CENPP: variants seen among roughly 807,000 people sequenced by gnomAD.
CENPP encodes the protein centromere protein P.
In CENPP, 24 loss-of-function variants were observed where a neutral mutation model predicts 35.6. That is an observed-to-expected ratio of 0.67 (90% CI 0.49 to 0.95). CENPP has a LOEUF of 0.95. Ranked by LOEUF, CENPP falls within the 40% of genes least tolerant of loss-of-function variation. The pLI is 0.00. For missense variants in CENPP, 332 were observed against 345.3 expected (o/e 0.96, Z 0.31); for synonymous variants, 120 against 125.5 (o/e 0.96, Z 0.29).
chr9:92,332,123 A>G (rs772176355), intron 1 of CENPP, 47 bp from the exon 2 acceptor site: 1 of 1,320,630 alleles, frequency 7.6e-7, no homozygotes, highest in Admixed American at 2.2e-5. Context: ...ATTAGATGAA[A>G]CACGTGTTAG....
chr9:92,385,842 T>A, intron 5 of CENPP: 2 of 1,579,422 alleles, frequency 1.3e-6, no homozygotes, highest in Non-Finnish European at 1.7e-6. Context: ...CAACCTTTCA[T>A]ATGCTATATA....
chr9:92,576,650 ATAAT>A (rs1187345983), intron 5 of CENPP, among the ~76,000 whole-genome samples: 1 of 152,162 alleles, frequency 6.6e-6, no homozygotes, highest in Non-Finnish European at 1.5e-5. Context: ...GATTTAAATA[ATAAT>A]TGTTATATAT....
intron 5 of CENPP, among the ~76,000 whole-genome samples, chr9:92,602,808 T>A (rs1850959046): frequency 1.4e-5 from 2 of 143,378 alleles, no homozygotes; most frequent in Admixed American, 1.4e-4. Context: ...ACTGTTTCTG[T>A]AAATTCAAAA....
In CENPP at chr9:92,387,053, G is replaced by GAA. The variant is rs903436031; in HGVS notation, c.564+7215_564+7216dup. On this transcript the variant is annotated intron_variant, in intron 5 of 7. Coordinates refer to ENST00000375587, the MANE Select transcript of CENPP (RefSeq NM_001012267.3). ...ACAGAGCGAGACTCTGTCTCAAAAA[G>GAA]AAAAAAAAAAAAAAAAAAAAAAGAA... Among the ~76,000 whole-genome samples the GAA allele has an allele frequency of 1.3e-3, 64 of 50,150 alleles. 1 individual carries two copies. The highest frequency in any genetic ancestry group is 2.6e-3 in the African/African-American group (33 of 12,568). The allele number at this position is 50,150 out of a possible 152,430, so 32.9% of individuals were successfully genotyped here.
chr9:92,467,583 C>G (rs1488632691), intron 5 of CENPP, among the ~76,000 whole-genome samples: 1 of 152,172 alleles, frequency 6.6e-6, no homozygotes, highest in Non-Finnish European at 1.5e-5. Context: ...TAGATTCATT[C>G]ATTTTATGAT....
At position 92,403,617 on chromosome 9, in the gene CENPP, G is replaced by A. The variant is rs1843208843; in HGVS notation, c.564+23758G>A. 3 of 1,208,578 alleles carry A rather than the reference G, an allele frequency of 2.5e-6. No homozygotes were observed. In the African/African-American group the frequency reaches 4.7e-5, roughly 19 times the overall value. 74.9% of individuals were successfully genotyped at this position (1,208,578 alleles called of 1,614,324 possible). A position where few individuals can be genotyped will look rare whatever the true frequency, so the allele number is the denominator to read the frequency against. On this transcript the variant is annotated intron_variant, in intron 5 of 7. Transcript: ENST00000375587. Reference sequence around the variant, plus strand: ...TTAATTAGATGCTAGCAGTTTTTATGTATCAGTGAACATTCTGAAAAATAG... The same window carrying A: ...TTAATTAGATGCTAGCAGTTTTTATATATCAGTGAACATTCTGAAAAATAG...
intron 5 of CENPP, among the ~76,000 whole-genome samples, chr9:92,599,789 G>C (rs565514215): frequency 6.6e-6 from 1 of 152,168 alleles, no homozygotes; most frequent in Non-Finnish European, 1.5e-5. Context: ...ACTATTAAAA[G>C]TATGGTGTAG....
rs71362395 is a variant in CENPP, at chr9:92,525,893, C to CAAAAAAAAA, written c.565-85407_565-85399dup. Among the ~76,000 whole-genome samples, 5 of 43,906 alleles carry CAAAAAAAAA rather than the reference C, an allele frequency of 1.1e-4. 1 individual carries two copies. Among genetic ancestry groups the CAAAAAAAAA allele is most frequent in the Non-Finnish European group, 1.9e-4 (4 of 20,862 alleles). 28.8% of individuals were successfully genotyped at this position (43,906 alleles called of 152,430 possible). ...CCAGAGTGCAGAGAGACTCTATCTCCAAAAAAAAAAAAAAAAAAAAAAGCA... is the reference window on the plus strand; with the variant it reads ...CCAGAGTGCAGAGAGACTCTATCTCCAAAAAAAAAAAAAAAAAAAAAAAAAAAAAAAGCA... On this transcript the variant is annotated intron_variant, in intron 5 of 7. Coordinates refer to ENST00000375587, the MANE Select transcript of CENPP (RefSeq NM_001012267.3).
chr9:92,459,878 A>G lies in CENPP; in HGVS notation c.564+80019A>G, dbSNP rs1193021856. 121 of 880,372 alleles carry G rather than the reference A, an allele frequency of 1.4e-4. 2 individuals carry two copies. The highest frequency in any genetic ancestry group is 8.0e-4 in the South Asian group (36 of 45,162). The allele number at this position is 880,372 out of a possible 1,614,324, so 54.5% of individuals were successfully genotyped here. On this transcript the variant is annotated intron_variant, in intron 5 of 7. Coordinates refer to ENST00000375587, the MANE Select transcript of CENPP (RefSeq NM_001012267.3). ...GAATATAAGCCTGTCCTATTTATAT[A>G]TATGTTCAAAGATATTTCATTACTT... is the stretch of plus-strand genomic sequence containing the variant.
At chr9:92,436,124 T>A (rs577200697) in intron 5 of CENPP, among the ~76,000 whole-genome samples, 1 of 152,342 alleles carries the variant, frequency 6.6e-6, no homozygotes, top group African/African-American at 2.4e-5. Context: ...AGTGATATAT[T>A]ACTGTAGTTT....
chr9:92,394,183 C>T (rs1196063358), intron 5 of CENPP, among the ~76,000 whole-genome samples: 1 of 151,522 alleles, frequency 6.6e-6, no homozygotes, highest in African/African-American at 2.4e-5. Flanking sequence ...TTGGCACTCT[C>T]TTCTTATTTT....
At chr9:92,586,114 C>G (rs930950349) in intron 5 of CENPP, among the ~76,000 whole-genome samples, 1 of 152,150 alleles carries the variant, frequency 6.6e-6, no homozygotes, top group Non-Finnish European at 1.5e-5. Flanking sequence ...GGCGCAATCT[C>G]GGCTCACTGC....
chr9:92,569,613 G>A (rs1280903844), intron 5 of CENPP, among the ~76,000 whole-genome samples: 1 of 152,150 alleles, frequency 6.6e-6, no homozygotes, highest in Non-Finnish European at 1.5e-5. Context: ...CCAATTCTGT[G>A]AAGAAAGTCA....
At chr9:92,418,978 T>G (rs555077628) in intron 5 of CENPP, among the ~76,000 whole-genome samples, 3 of 152,294 alleles carry the variant, frequency 2.0e-5, no homozygotes, top group Admixed American at 2.0e-4. Context: ...AAGTTTTAGA[T>G]ACAAAAATAT....
intron 4 of CENPP, among the ~76,000 whole-genome samples, chr9:92,369,793 G>T (rs1841968082): frequency 6.6e-6 from 1 of 152,114 alleles, no homozygotes; most frequent in Non-Finnish European, 1.5e-5. Flanking sequence ...ATTTCACCTT[G>T]CTCTTTTCCA....
chr9:92,460,408 T>C, intron 5 of CENPP: 1 of 974,098 alleles, frequency 1.0e-6, no homozygotes, highest in Non-Finnish European at 1.6e-6. Flanking sequence ...CAGTGATCTC[T>C]ACCAGGGTCC....
At chr9:92,547,199 AAAG>A (rs1849485621) in intron 5 of CENPP, among the ~76,000 whole-genome samples, 1 of 152,156 alleles carries the variant, frequency 6.6e-6, no homozygotes, top group African/African-American at 2.4e-5. Context: ...AGTGTTTTAA[AAAG>A]AATAAAGAAA....
upstream of CENPP, chr9:92,325,950 G>T: frequency 6.8e-7 from 1 of 1,475,202 alleles, no homozygotes; most frequent in Non-Finnish European, 9.3e-7. Context: ...AAGCGCGCAG[G>T]TCGGAGTGAC....
At chr9:92,483,723 TAAGC>T (rs1417095024) in intron 5 of CENPP, among the ~76,000 whole-genome samples, 3 of 152,238 alleles carry the variant, frequency 2.0e-5, no homozygotes, top group Admixed American at 6.5e-5. Context: ...CACATTGTGT[TAAGC>T]AAGGCAGCTA....
Sources: gnomAD v4.1 joint callset for allele counts (sites outside exome capture counted in the v4.1 genomes callset) on GRCh38, gnomAD v4.1.1 for gene constraint, MANE v1.5 for transcripts, NCBI Gene and HGNC (gene_info 2026-07-23, HGNC 2026-07-21) for gene names.